The following GALNT13 variants were observed in gnomAD, a reference collection of about 807,000 sequenced individuals.
GALNT13 encodes the protein UDP-GalNAc:polypeptide N-acetylgalactosaminyltransferase 13.
Under a neutral mutation model 64.2 loss-of-function variants are expected in GALNT13, and 28 were observed. The ratio of observed to expected loss-of-function variants is 0.44; its 90% CI spans 0.32 to 0.60. GALNT13 has a LOEUF of 0.60. GALNT13 is among the 20% of genes least tolerant of loss of function. The pLI, the probability that GALNT13 is intolerant of heterozygous loss-of-function variation, is 0.05. For synonymous variants in GALNT13, 214 were observed against 224.6 expected (o/e 0.95, Z 0.42); for missense variants, 577 against 669.8 (o/e 0.86, Z 1.53).
chr2:153,789,199 C>T, the GALNT13 span, among the ~76,000 whole-genome samples: 3 of 152,036 alleles, frequency 2.0e-5, no homozygotes, highest in African/African-American at 7.2e-5. Context: ...CACGCTGAAA[C>T]ATGAAACAAT....
chr2:153,776,171 A>G, the GALNT13 span, among the ~76,000 whole-genome samples: 1 of 152,224 alleles, frequency 6.6e-6, no homozygotes, highest in Non-Finnish European at 1.5e-5. Flanking sequence ...AAATCAAAAA[A>G]CAAATAATGA....
the GALNT13 span, among the ~76,000 whole-genome samples, chr2:153,811,003 T>C: frequency 2.0e-5 from 3 of 152,292 alleles, no homozygotes; most frequent in East Asian, 5.8e-4. Flanking sequence ...AACCCTAATT[T>C]CATCATCAGT....
chr2:153,212,195 G>A, the GALNT13 span, among the ~76,000 whole-genome samples: 1 of 151,854 alleles, frequency 6.6e-6, no homozygotes, highest in Non-Finnish European at 1.5e-5. Context: ...ATCCTTTGCT[G>A]TTTCTCTTCA....
the GALNT13 span, among the ~76,000 whole-genome samples, chr2:153,843,419 G>A: frequency 6.6e-6 from 1 of 152,182 alleles, no homozygotes; most frequent in African/African-American, 2.4e-5. Flanking sequence ...CCATTCATGA[G>A]GGATCTGCCA....
At chr2:153,431,551 T>A in the GALNT13 span, among the ~76,000 whole-genome samples, 1 of 152,184 alleles carries the variant, frequency 6.6e-6, no homozygotes, top group East Asian at 1.9e-4. Flanking sequence ...CTCGAGACCA[T>A]GTTCATCTGA....
chr2:154,093,251 C>A (rs1701906199), intron 3 of GALNT13, among the ~76,000 whole-genome samples: 1 of 151,926 alleles, frequency 6.6e-6, no homozygotes, highest in Admixed American at 6.6e-5. Flanking sequence ...CTTTTACTTT[C>A]TTCTTCTATG....
At chr2:153,734,506 C>A in the GALNT13 span, among the ~76,000 whole-genome samples, 2 of 152,208 alleles carry the variant, frequency 1.3e-5, no homozygotes, top group Admixed American at 6.5e-5. Flanking sequence ...ACAGAAGCAG[C>A]CTTCTTAAAC....
At chr2:153,124,934 A>G in the GALNT13 span, among the ~76,000 whole-genome samples, 2 of 152,214 alleles carry the variant, frequency 1.3e-5, no homozygotes, top group Non-Finnish European at 2.9e-5. Context: ...GTTAGAGGTC[A>G]TTCTGTCCAA....
At chr2:153,755,299 C>T in the GALNT13 span, among the ~76,000 whole-genome samples, 4 of 152,168 alleles carry the variant, frequency 2.6e-5, no homozygotes, top group East Asian at 7.7e-4. Flanking sequence ...CATCCCTCTC[C>T]TCTATTTTTA....
chr2:153,996,007 C>A (rs909122718), intron 3 of GALNT13, among the ~76,000 whole-genome samples: 1 of 152,170 alleles, frequency 6.6e-6, no homozygotes, highest in African/African-American at 2.4e-5. Flanking sequence ...GACAGGATTT[C>A]CTTCTGGTTT....
chr2:154,426,504 C>G (rs571795466), intron 11 of GALNT13, among the ~76,000 whole-genome samples: 9 of 152,182 alleles, frequency 5.9e-5, no homozygotes, highest in Non-Finnish European at 1.3e-4. Context: ...AATTGTACAT[C>G]AGTCACATAA....
At chr2:154,262,595 A>G (rs145139719) in intron 8 of GALNT13, among the ~76,000 whole-genome samples, 129 of 152,342 alleles carry the variant, frequency 8.5e-4, no homozygotes, top group Non-Finnish European at 1.1e-3. Context: ...AGCACTGTCT[A>G]AACATAAGCA....
the GALNT13 span, among the ~76,000 whole-genome samples, chr2:153,080,581 C>A: frequency 4.0e-5 from 6 of 151,780 alleles, 1 homozygote; most frequent in Admixed American, 2.0e-4. Context: ...GTTTTGTTTA[C>A]CCTTGAAAAA....
the GALNT13 span, among the ~76,000 whole-genome samples, chr2:153,789,624 G>A: frequency 6.6e-6 from 1 of 151,858 alleles, no homozygotes; most frequent in African/African-American, 2.4e-5. Context: ...GCACAAAAGT[G>A]TATTAAAAAA....
the GALNT13 span, among the ~76,000 whole-genome samples, chr2:153,538,392 T>C: frequency 6.9e-6 from 1 of 144,298 alleles, no homozygotes; most frequent in Non-Finnish European, 1.5e-5. Flanking sequence ...TTTTATTTTA[T>C]TTTATTTTAT....
the GALNT13 span, among the ~76,000 whole-genome samples, chr2:153,784,640 C>T: frequency 2.0e-5 from 3 of 152,132 alleles, no homozygotes; most frequent in Non-Finnish European, 2.9e-5. Flanking sequence ...CCCGGGCTTC[C>T]CAGCAAAAGA....
chr2:153,894,377 G>A (rs1301799572), intron 1 of GALNT13, among the ~76,000 whole-genome samples: 1 of 152,006 alleles, frequency 6.6e-6, no homozygotes, highest in East Asian at 1.9e-4. Flanking sequence ...ATGGAATTAC[G>A]CAGTGATATA....
At chr2:153,535,642 G>C in the GALNT13 span, among the ~76,000 whole-genome samples, 1 of 152,208 alleles carries the variant, frequency 6.6e-6, no homozygotes, top group South Asian at 2.1e-4. Flanking sequence ...TCTGAGGACA[G>C]GTCTGACTTC....
the GALNT13 span, among the ~76,000 whole-genome samples, chr2:153,603,375 G>A: frequency 6.6e-6 from 1 of 151,878 alleles, no homozygotes; most frequent in Non-Finnish European, 1.5e-5. Context: ...ACTTCCATAT[G>A]CAAGCAGACT....
Sources: gnomAD v4.1 joint callset for allele counts (sites outside exome capture counted in the v4.1 genomes callset) on GRCh38, gnomAD v4.1.1 for gene constraint, MANE v1.5 for transcripts, NCBI Gene and HGNC (gene_info 2026-07-23, HGNC 2026-07-21) for gene names.